Variants in HEMK2 observed in about 807,000 individuals in gnomAD.
HEMK2 encodes methyltransferase HEMK2.
chr21:28,585,243 A>G, the HEMK2 span, among the ~76,000 whole-genome samples: 1 of 152,088 alleles, frequency 6.6e-6, no homozygotes, highest in Non-Finnish European at 1.5e-5. Context: ...GAGGCAGGAG[A>G]ATCGCTTGAA....
At chr21:28,821,506 G>T in the HEMK2 span, among the ~76,000 whole-genome samples, 5 of 152,192 alleles carry the variant, frequency 3.3e-5, no homozygotes, top group Non-Finnish European at 4.4e-5. Context: ...AATTTGGAAG[G>T]AGGAATAACA....
At chr21:28,705,158 T>C in the HEMK2 span, among the ~76,000 whole-genome samples, 2 of 152,172 alleles carry the variant, frequency 1.3e-5, no homozygotes, top group African/African-American at 2.4e-5. Context: ...CTTGACTTAT[T>C]CCTACCACTA....
At chr21:28,667,761 T>C in the HEMK2 span, among the ~76,000 whole-genome samples, 1 of 152,200 alleles carries the variant, frequency 6.6e-6, no homozygotes, top group Non-Finnish European at 1.5e-5. Flanking sequence ...GAAATCCATC[T>C]TCTCATTGGT....
chr21:28,775,698 T>A, the HEMK2 span, among the ~76,000 whole-genome samples: 1 of 152,188 alleles, frequency 6.6e-6, no homozygotes, highest in Non-Finnish European at 1.5e-5. Context: ...GGTACCTGAA[T>A]TTAAGGTCCT....
At chr21:28,697,480 G>T in the HEMK2 span, among the ~76,000 whole-genome samples, 1 of 152,064 alleles carries the variant, frequency 6.6e-6, no homozygotes. Flanking sequence ...CAAGTCTCTA[G>T]GAAATTCCAA....
At chr21:28,878,760 T>A in the HEMK2 span, among the ~76,000 whole-genome samples, 1 of 151,696 alleles carries the variant, frequency 6.6e-6, no homozygotes, top group Admixed American at 6.6e-5. Flanking sequence ...GAGACATGGG[T>A]AGCTTTTGTA....
the HEMK2 span, among the ~76,000 whole-genome samples, chr21:28,748,084 G>C: frequency 6.6e-6 from 1 of 152,200 alleles, no homozygotes; most frequent in Non-Finnish European, 1.5e-5. Flanking sequence ...TGAACATAAA[G>C]ATGGTAACGA....
the HEMK2 span, among the ~76,000 whole-genome samples, chr21:28,613,282 G>A: frequency 6.6e-6 from 1 of 151,924 alleles, no homozygotes; most frequent in African/African-American, 2.4e-5. Context: ...ACATGATCGG[G>A]GTGACTTCCA....
chr21:28,841,263 ATATATATTAT>A, the HEMK2 span, among the ~76,000 whole-genome samples: 20 of 8,472 alleles, frequency 2.4e-3, 1 homozygote, highest in African/African-American at 0.011. Context: ...ATTATATATA[ATATATATTAT>A]ATATTATATA....
At chr21:28,729,312 G>A in the HEMK2 span, among the ~76,000 whole-genome samples, 27 of 152,236 alleles carry the variant, frequency 1.8e-4, no homozygotes, top group Admixed American at 1.6e-3. Flanking sequence ...GAATGGGAGG[G>A]GTTTTAATAG....
the HEMK2 span, among the ~76,000 whole-genome samples, chr21:28,728,191 T>C: frequency 2.0e-5 from 3 of 152,258 alleles, no homozygotes; most frequent in Admixed American, 2.0e-4. Flanking sequence ...GACATGCCTT[T>C]ACAAATTAAC....
At chr21:28,840,427 C>G in the HEMK2 span, among the ~76,000 whole-genome samples, 2 of 152,112 alleles carry the variant, frequency 1.3e-5, no homozygotes, top group Non-Finnish European at 2.9e-5. Context: ...AGTAAGCAGA[C>G]AACTCACAAG....
the HEMK2 span, among the ~76,000 whole-genome samples, chr21:28,789,714 C>T: frequency 6.6e-6 from 1 of 152,130 alleles, no homozygotes; most frequent in African/African-American, 2.4e-5. Context: ...CAACAGCAAG[C>T]CCACATATGA....
the HEMK2 span, among the ~76,000 whole-genome samples, chr21:28,759,849 CTG>C: frequency 4.1e-4 from 63 of 152,290 alleles, no homozygotes; most frequent in Non-Finnish European, 5.3e-4. Flanking sequence ...CCACGTGGAA[CTG>C]TGAGTCCCTT....
chr21:28,827,177 T>C, the HEMK2 span, among the ~76,000 whole-genome samples: 1 of 152,162 alleles, frequency 6.6e-6, no homozygotes. Context: ...TAGGTATTTG[T>C]AATCAAATAG....
chr21:28,683,026 GC>G, the HEMK2 span, among the ~76,000 whole-genome samples: 1 of 151,516 alleles, frequency 6.6e-6, no homozygotes, highest in Non-Finnish European at 1.5e-5. Context: ...TGCACGTTGT[GC>G]ACATGTACCC....
the HEMK2 span, among the ~76,000 whole-genome samples, chr21:28,818,465 A>T: frequency 0.46 from 69,827 of 151,942 alleles, 17,962 homozygotes; most frequent in East Asian, 0.77. Context: ...TATATGTATA[A>T]CCTATTAGTT....
the HEMK2 span, among the ~76,000 whole-genome samples, chr21:28,847,038 G>A: frequency 6.6e-6 from 1 of 152,072 alleles, no homozygotes. Context: ...CTCCACCACT[G>A]ACTGGCATCT....
chr21:28,741,175 A>G, the HEMK2 span, among the ~76,000 whole-genome samples: 1 of 152,140 alleles, frequency 6.6e-6, no homozygotes, highest in African/African-American at 2.4e-5. Context: ...GAAATGAGAT[A>G]TGTCCAGGCC....
Sources: allele counts gnomAD v4.1 joint callset (sites outside exome capture counted in the v4.1 genomes callset), GRCh38; gene constraint gnomAD v4.1.1; transcripts MANE v1.5; gene names NCBI Gene and HGNC (gene_info 2026-07-23, HGNC 2026-07-21).